The following UBE2G1 variants were observed in gnomAD, a reference collection of about 807,000 sequenced individuals.
UBE2G1 encodes ubiquitin-conjugating enzyme E2 G1.
Under a neutral mutation model 22.7 loss-of-function variants are expected in UBE2G1, and 5 were observed. That is an observed-to-expected ratio of 0.22 (90% CI 0.12 to 0.46). The LOEUF is 0.46. Among genes scored for constraint, UBE2G1 ranks in the 20% least tolerant of loss-of-function variants. The pLI is 0.99. For synonymous variants in UBE2G1, 74 were observed against 67.5 expected, an observed-to-expected ratio of 1.10 and a Z score of -0.47; for missense variants, 88 against 203.9, an observed-to-expected ratio of 0.43 and a Z score of 3.46.
intron 1 of UBE2G1, among the ~76,000 whole-genome samples, chr17:4,313,892 C>T (rs909400947): frequency 1.7e-4 from 26 of 152,062 alleles, no homozygotes; most frequent in African/African-American, 4.8e-4. Flanking sequence ...AAAGGAAACC[C>T]AGGGACAAGG....
chr17:4,332,717 A>T lies in UBE2G1; in HGVS notation c.47-25594T>A, dbSNP rs1969593507. Reference sequence around the variant, plus strand: ...TAACCAGCATCTCTCTCCAACCTTCAGCTAACCGCTCTGCCACCTCCCTCC... The same window carrying T: ...TAACCAGCATCTCTCTCCAACCTTCTGCTAACCGCTCTGCCACCTCCCTCC... On this transcript the variant is annotated intron_variant, in intron 1 of 5. Coordinates refer to ENST00000396981, the MANE Select transcript of UBE2G1 (RefSeq NM_003342.5). Among the ~76,000 whole-genome samples, 3 of 151,706 alleles carry T rather than the reference A, an allele frequency of 2.0e-5. No homozygotes were observed. The South Asian group carries it at 6.2e-4, about 32-fold the overall frequency.
chr17:4,354,655 T>A (rs8078831), intron 1 of UBE2G1, among the ~76,000 whole-genome samples: 123,197 of 152,110 alleles, frequency 0.81, 50,807 homozygotes, highest in African/African-American at 0.95. Flanking sequence ...TTCTTTATTT[T>A]CTTCAAATAT....
intron 1 of UBE2G1, among the ~76,000 whole-genome samples, chr17:4,319,029 T>C (rs1969407209): frequency 6.6e-6 from 1 of 152,206 alleles, no homozygotes; most frequent in African/African-American, 2.4e-5. Flanking sequence ...ATCATGGTCA[T>C]AACTTTCAGA....
At chr17:4,306,017 T>G (rs1194969840) in intron 2 of UBE2G1, among the ~76,000 whole-genome samples, 1 of 152,234 alleles carries the variant, frequency 6.6e-6, no homozygotes, top group Non-Finnish European at 1.5e-5. Flanking sequence ...TTGTCTATCC[T>G]TAAGCCATTG....
chr17:4,308,840 A>T (rs1969276691), intron 1 of UBE2G1, among the ~76,000 whole-genome samples: 1 of 152,236 alleles, frequency 6.6e-6, no homozygotes, highest in Admixed American at 6.5e-5. Flanking sequence ...GAGTGCTACA[A>T]AGGACTGAAC....
At chr17:4,302,171 C>A (rs1277248929) in intron 2 of UBE2G1, 2 of 514,550 alleles carry the variant, frequency 3.9e-6, no homozygotes, top group East Asian at 5.4e-5. Context: ...GGAAAGTTTT[C>A]TTTACAGACA....
intron 5 of UBE2G1, among the ~76,000 whole-genome samples, chr17:4,279,310 C>T (rs1968855428): frequency 6.7e-6 from 1 of 149,174 alleles, no homozygotes; most frequent in South Asian, 2.1e-4. Context: ...AACAGATCAA[C>T]ACGTACTGGC....
intron 1 of UBE2G1, among the ~76,000 whole-genome samples, chr17:4,339,015 AATG>A (rs1969681258): frequency 6.6e-6 from 1 of 152,202 alleles, no homozygotes. Context: ...ATACCATAGT[AATG>A]GTATTATCCA....
Position 4,346,436 on chromosome 17 carries a change from T to C in UBE2G1, c.46+19835A>G, listed in dbSNP as rs1043249150. Among the ~76,000 whole-genome samples the C allele has an allele frequency of 1.3e-3, 173 of 134,348 alleles. 1 individual carries two copies. In the South Asian group the frequency reaches 0.015, roughly 12 times the overall value. The allele number at this position is 134,348 out of a possible 152,430, so 88.1% of individuals were successfully genotyped here. A position where few individuals can be genotyped will look rare whatever the true frequency, so the allele number is the denominator to read the frequency against. On this transcript the variant is annotated intron_variant, in intron 1 of 5. Transcript: ENST00000396981. The stretch of plus-strand genomic sequence containing the variant: ...ACAGCTTACATTTTCTTCTTCTTTT[T>C]TTTTTTTTTTTTTTTTGAGACAGAG...
chr17:4,309,457 A>G (rs1006457587), intron 1 of UBE2G1, among the ~76,000 whole-genome samples: 1 of 152,224 alleles, frequency 6.6e-6, no homozygotes, highest in Admixed American at 6.5e-5. Flanking sequence ...CTTTTTAAAG[A>G]TATTGAAAGT....
intron 1 of UBE2G1, among the ~76,000 whole-genome samples, chr17:4,342,225 T>C (rs908088077): frequency 1.1e-4 from 17 of 152,180 alleles, no homozygotes; most frequent in Admixed American, 3.9e-4. Flanking sequence ...TTGTCCTGCG[T>C]CTTTCTTTTC....
chr17:4,287,424 T>C (rs375000529), intron 4 of UBE2G1, among the ~76,000 whole-genome samples: 2 of 152,124 alleles, frequency 1.3e-5, no homozygotes, highest in East Asian at 3.8e-4. Context: ...ATTATTAAAA[T>C]TGCTGATAGT....
At chr17:4,304,275 C>T (rs188603472) in intron 2 of UBE2G1, among the ~76,000 whole-genome samples, 9 of 152,222 alleles carry the variant, frequency 5.9e-5, no homozygotes, top group East Asian at 3.9e-4. Context: ...GGATTATAGA[C>T]GTGAGCCACT....
At chr17:4,362,083 T>C (rs1173114629) in intron 1 of UBE2G1, among the ~76,000 whole-genome samples, 1 of 152,136 alleles carries the variant, frequency 6.6e-6, no homozygotes, top group Non-Finnish European at 1.5e-5. Context: ...CCAATGCTTA[T>C]AATACCTTTT....
chr17:4,344,131 A>C (rs1186470346), intron 1 of UBE2G1, among the ~76,000 whole-genome samples: 3 of 152,246 alleles, frequency 2.0e-5, no homozygotes, highest in Admixed American at 2.0e-4. Context: ...ATCGTAAAGC[A>C]AGTTCATAGG....
chr17:4,307,052 C>T lies in UBE2G1; in HGVS notation c.118G>A (p.Val40Ile), dbSNP rs1261575820. The T allele has an allele frequency of 6.2e-7, 1 of 1,614,014 alleles. No individual in the cohort carries two copies. The highest frequency in any genetic ancestry group is 8.5e-7 in the Non-Finnish European group (1 of 1,179,936). The change falls in exon 2 of 6, where the codon GTC becomes ATC. Residue 40 changes from valine (V) to isoleucine (I), a missense_variant. By Grantham distance (29) the Val-to-Ile change is conservative (BLOSUM62 3). Coordinates refer to ENST00000396981, the MANE Select transcript of UBE2G1 (RefSeq NM_003342.5). ...GTATCTGGAGGGCCAATAATAAGGA[C>T]TTCCCATCGGTAGAGATCATTGTCA... ...IDDNDLYRWEVLIIGPPDTLY... is the reference protein window; with the variant it reads ...IDDNDLYRWEILIIGPPDTLY...
intron 1 of UBE2G1, among the ~76,000 whole-genome samples, chr17:4,312,614 T>A (rs192621305): frequency 3.8e-4 from 53 of 139,360 alleles, no homozygotes; most frequent in Admixed American, 8.8e-4. Flanking sequence ...GAAAATGGCG[T>A]GAACCTGGGA....
chr17:4,326,241 TAAC>T (rs1275901583), intron 1 of UBE2G1, among the ~76,000 whole-genome samples: 3 of 152,052 alleles, frequency 2.0e-5, no homozygotes, highest in Admixed American at 2.0e-4. Context: ...TACAACTCAA[TAAC>T]AACAAGAAAA....
At chr17:4,281,048 A>T (rs1423679501) in intron 5 of UBE2G1, among the ~76,000 whole-genome samples, 1 of 152,142 alleles carries the variant, frequency 6.6e-6, no homozygotes, top group African/African-American at 2.4e-5. Flanking sequence ...TAAGAATTCC[A>T]CCCCAAGTAT....
Sources: allele counts gnomAD v4.1 joint callset (sites outside exome capture counted in the v4.1 genomes callset), GRCh38; gene constraint gnomAD v4.1.1; transcripts MANE v1.5; gene names NCBI Gene and HGNC (gene_info 2026-07-23, HGNC 2026-07-21).